SYT14: variants seen among roughly 807,000 people sequenced by gnomAD.
The protein encoded by SYT14 is synaptotagmin-14.
Under a neutral mutation model 74.2 loss-of-function variants are expected in SYT14, and 32 were observed. The ratio of observed to expected loss-of-function variants is 0.43; its 90% CI spans 0.33 to 0.58. The LOEUF (loss-of-function observed/expected upper bound fraction) is 0.58. Ranked by LOEUF, SYT14 falls within the 20% of genes least tolerant of loss-of-function variation. The pLI, the probability that SYT14 is intolerant of heterozygous loss-of-function variation, is 0.05. For synonymous variants in SYT14, 298 were observed against 337.7 expected (o/e 0.88, Z 1.29); for missense variants, 791 against 981.8 (o/e 0.81, Z 2.60).
chr1:209,971,491 G>A (rs2102754361), intron 2 of SYT14, among the ~76,000 whole-genome samples: 1 of 152,188 alleles, frequency 6.6e-6, no homozygotes, highest in South Asian at 2.1e-4. Flanking sequence ...TCCAGCTTTT[G>A]TCCAGTCAGT....
chr1:210,163,075 A>G, exon 10 of SYT14: 1 of 453,580 alleles, frequency 2.2e-6, no homozygotes, highest in South Asian at 1.6e-5. Flanking sequence ...ATTTGAAGCT[A>G]TAATGAACTT....
At chr1:210,169,095 T>C (rs751089511) in exon 10 of SYT14, 7 of 152,156 alleles carry the variant, frequency 4.6e-5, no homozygotes, top group Non-Finnish European at 1.0e-4. Flanking sequence ...AGCCTTCTTT[T>C]AAAAACCTGG....
chr1:209,962,225 A>T (rs1572073556), intron 2 of SYT14, among the ~76,000 whole-genome samples: 1 of 151,796 alleles, frequency 6.6e-6, no homozygotes, highest in South Asian at 2.1e-4. Context: ...TCTCTTATTT[A>T]TGCCATTTTC....
Position 210,059,964 on chromosome 1 carries a change from A to G in SYT14, c.1313-34358A>G, listed in dbSNP as rs183548121. ...TGGGGTGGGAACTGGGAAGTGGGAA[A>G]TTGAAGGATATGGGTGCCATCTAAT... is the stretch of plus-strand genomic sequence containing the variant. On this transcript the variant is annotated intron_variant, in intron 5 of 9. Transcript: ENST00000637265. Among the ~76,000 whole-genome samples the G allele has an allele frequency of 3.3e-5, 5 of 152,294 alleles. No individual in the cohort carries two copies. The East Asian group carries it at 9.6e-4, about 29-fold the overall frequency.
At chr1:210,098,116 A>G (rs1163665658) in intron 6 of SYT14, among the ~76,000 whole-genome samples, 1 of 152,016 alleles carries the variant, frequency 6.6e-6, no homozygotes, top group Non-Finnish European at 1.5e-5. Context: ...CCAAGGCTGC[A>G]GTGAGCCATG....
chr1:210,053,557 AG>A (rs1466778224), intron 5 of SYT14, among the ~76,000 whole-genome samples: 2 of 152,244 alleles, frequency 1.3e-5, no homozygotes, highest in Non-Finnish European at 2.9e-5. Context: ...AATGAGAGGC[AG>A]GAAGATGAGT....
intron 2 of SYT14, among the ~76,000 whole-genome samples, chr1:209,999,419 G>A (rs773814189): frequency 2.6e-4 from 40 of 152,010 alleles, no homozygotes; most frequent in Admixed American, 2.0e-3. Context: ...ATCTGAGGGT[G>A]AAGAAATTAG....
intron 5 of SYT14, among the ~76,000 whole-genome samples, chr1:210,088,883 T>A (rs2081800530): frequency 6.7e-6 from 1 of 148,998 alleles, no homozygotes; most frequent in Admixed American, 6.7e-5. Flanking sequence ...CTTCAGGATA[T>A]TTTTTTTTTA....
At chr1:210,075,406 C>T (rs191997139) in intron 5 of SYT14, among the ~76,000 whole-genome samples, 34 of 148,732 alleles carry the variant, frequency 2.3e-4, no homozygotes, top group African/African-American at 8.2e-4. Flanking sequence ...ACAATCTCAG[C>T]TCACTGCAAC....
chr1:210,139,231 C>T (rs896078353), intron 7 of SYT14, among the ~76,000 whole-genome samples: 3 of 145,914 alleles, frequency 2.1e-5, no homozygotes, highest in South Asian at 2.2e-4. Flanking sequence ...GGACTACATG[C>T]GTGTACCACC....
chr1:210,000,652 T>TCACC (rs2102877052), intron 2 of SYT14, among the ~76,000 whole-genome samples: 1 of 145,726 alleles, frequency 6.9e-6, no homozygotes, highest in Non-Finnish European at 1.5e-5. Context: ...TCTCACTGTG[T>TCACC]CACCCAGGCT....
chr1:210,061,000 A>G (rs979377094), intron 5 of SYT14, among the ~76,000 whole-genome samples: 1 of 151,954 alleles, frequency 6.6e-6, no homozygotes, highest in South Asian at 2.1e-4. Flanking sequence ...AGAAAACTGA[A>G]AAGATATGTT....
chr1:210,001,754 G>A (rs796919848), intron 2 of SYT14, among the ~76,000 whole-genome samples: 5 of 152,226 alleles, frequency 3.3e-5, no homozygotes, highest in South Asian at 2.1e-4. Context: ...GCAAAGACTC[G>A]AAGGAGGTGA....
intron 5 of SYT14, among the ~76,000 whole-genome samples, chr1:210,052,763 A>C (rs934880458): frequency 6.6e-6 from 1 of 151,638 alleles, no homozygotes. Context: ...AAACATTATA[A>C]ATGCTTAGGA....
At chr1:209,970,669 T>A (rs1209234414) in intron 2 of SYT14, among the ~76,000 whole-genome samples, 3 of 22,422 alleles carry the variant, frequency 1.3e-4, no homozygotes, top group African/African-American at 7.7e-4. Context: ...TGGCTTTTTT[T>A]TTTTTTTTTT....
At chr1:209,996,610 A>T (rs558558594) in intron 2 of SYT14, among the ~76,000 whole-genome samples, 1 of 152,172 alleles carries the variant, frequency 6.6e-6, no homozygotes, top group African/African-American at 2.4e-5. Context: ...CATTCTACAA[A>T]GCCAGCATCA....
intron 7 of SYT14, among the ~76,000 whole-genome samples, chr1:210,139,277 T>C (rs1235157947): frequency 5.4e-5 from 8 of 147,596 alleles, no homozygotes; most frequent in Non-Finnish European, 1.2e-4. Flanking sequence ...TTTTTTTTTT[T>C]TTTTTTTTTT....
chr1:210,008,860 G>T (rs2080036242), intron 2 of SYT14, among the ~76,000 whole-genome samples: 1 of 152,136 alleles, frequency 6.6e-6, no homozygotes, highest in Non-Finnish European at 1.5e-5. Context: ...CTCCTATAAT[G>T]AATAAGAATA....
exon 10 of SYT14, chr1:210,166,919 T>A (rs1306742993): frequency 6.6e-6 from 1 of 152,172 alleles, no homozygotes; most frequent in Non-Finnish European, 1.5e-5. Flanking sequence ...TTTCTTGTGC[T>A]TCCTTAAAAA....
Sources: gnomAD v4.1 joint callset for allele counts (sites outside exome capture counted in the v4.1 genomes callset) on GRCh38, gnomAD v4.1.1 for gene constraint, MANE v1.5 for transcripts, NCBI Gene and HGNC (gene_info 2026-07-23, HGNC 2026-07-21) for gene names.